The following MED16 variants were observed in gnomAD, a reference collection of about 807,000 sequenced individuals.
MED16 encodes the protein mediator complex subunit 16.
In MED16, 81 loss-of-function variants were observed where a neutral mutation model predicts 84.4. The ratio of observed to expected loss-of-function variants is 0.96; its 90% CI spans 0.80 to 1.15. MED16 has a LOEUF of 1.15. MED16 is among the 50% of genes most tolerant of loss of function. The pLI, the probability that MED16 is intolerant of heterozygous loss-of-function variation, is 0.00. For missense variants in MED16, 1,585 were observed against 1,245.9 expected (o/e 1.27, Z -4.10); for synonymous variants, 897 against 552.2 (o/e 1.62, Z -8.76).
rs76542322 is a variant in MED16 at position 873,178 on chromosome 19, A to G, written c.1905+271T>C. Reference sequence around the variant, plus strand: ...GCTAGGAAGTGGGGCAGGGCTAGGAAGTGGGGCAGGGCTAGGAAGTGGGGG... The same window carrying G: ...GCTAGGAAGTGGGGCAGGGCTAGGAGGTGGGGCAGGGCTAGGAAGTGGGGG... On this transcript the variant is annotated intron_variant, in intron 11 of 15. Coordinates refer to ENST00000325464, the MANE Select transcript of MED16 (RefSeq NM_005481.3). 5.2e-4 allele frequency: 133 copies of G among 256,158 alleles called. 8 individuals are homozygous for G. The highest frequency in any genetic ancestry group is 1.3e-3 in the South Asian group (30 of 23,508). The allele number at this position is 256,158 out of a possible 1,614,324, so 15.9% of individuals were successfully genotyped here.
chr19:871,448 G>A (rs2036052500), intron 12 of MED16, among the ~76,000 whole-genome samples, 195 bp from the exon 13 acceptor site: 1 of 152,074 alleles, frequency 6.6e-6, no homozygotes, highest in Non-Finnish European at 1.5e-5. Context: ...TGACCCCAGA[G>A]TTCTCTCCCC....
intron 7 of MED16, among the ~76,000 whole-genome samples, chr19:880,490 A>T (rs2036397617): frequency 6.6e-6 from 1 of 152,136 alleles, no homozygotes; most frequent in African/African-American, 2.4e-5. Context: ...CTGGCGTCCC[A>T]AAGAGAGGCA....
intron 1 of MED16, chr19:892,693 G>A (rs2036662313): frequency 1.3e-5 from 2 of 150,474 alleles, no homozygotes; most frequent in African/African-American, 4.9e-5. Context: ...CAGTCTCCAG[G>A]CCCTGCCTCT....
chr19:870,194 CA>C (rs1210156334), intron 13 of MED16, among the ~76,000 whole-genome samples: 7 of 152,286 alleles, frequency 4.6e-5, no homozygotes, highest in African/African-American at 7.2e-5. Context: ...GCCTGACATC[CA>C]GGGGGGCCAG....
At chr19:873,762 A>ACTGC (rs2036159518) in intron 10 of MED16, among the ~76,000 whole-genome samples, 180 bp from the exon 11 acceptor site, 1 of 151,848 alleles carries the variant, frequency 6.6e-6, no homozygotes. Flanking sequence ...CTGGGAGCCC[A>ACTGC]CTGCCTGCCC....
At chr19:872,762 G>A (rs938260247) in intron 11 of MED16, among the ~76,000 whole-genome samples, 1 of 151,846 alleles carries the variant, frequency 6.6e-6, no homozygotes, top group Non-Finnish European at 1.5e-5. Flanking sequence ...CCCAGGCGCA[G>A]GGAGCTGGGG....
intron 8 of MED16, among the ~76,000 whole-genome samples, chr19:879,069 CA>C: frequency 1.4e-5 from 2 of 139,682 alleles, no homozygotes; most frequent in Non-Finnish European, 3.2e-5. Flanking sequence ...CCACCAGCCC[CA>C]GCCCCAGCCC....
At chr19:882,155 G>A (rs959933051) in intron 6 of MED16, among the ~76,000 whole-genome samples, 3 of 152,258 alleles carry the variant, frequency 2.0e-5, no homozygotes, top group Non-Finnish European at 4.4e-5. Flanking sequence ...GCCCCTGCGT[G>A]AAGACGCAGC....
intron 12 of MED16, among the ~76,000 whole-genome samples, 172 bp from the exon 13 acceptor site, chr19:871,425 C>T (rs2036051632): frequency 6.6e-6 from 1 of 152,088 alleles, no homozygotes; most frequent in Non-Finnish European, 1.5e-5. Context: ...CCGGCTCTGC[C>T]TGCCTGGCTG....
intron 2 of MED16, among the ~76,000 whole-genome samples, chr19:890,611 T>G (rs1010468249): frequency 6.6e-6 from 1 of 152,270 alleles, no homozygotes; most frequent in South Asian, 2.1e-4. Context: ...ACTCAAACAA[T>G]GGAGAGAAGA....
chr19:882,429 A>C (rs1177045632), intron 6 of MED16, among the ~76,000 whole-genome samples: 1 of 152,188 alleles, frequency 6.6e-6, no homozygotes, highest in African/African-American at 2.4e-5. Flanking sequence ...CAGGAGGCTG[A>C]GGTAGGATTG....
chr19:870,924 G>A (rs946028947), intron 13 of MED16, 113 bp downstream of exon 13: 1 of 1,108,704 alleles, frequency 9.0e-7, no homozygotes, highest in Non-Finnish European at 1.3e-6. Flanking sequence ...TGTGGATTCG[G>A]GGGGACCTGG....
intron 11 of MED16, among the ~76,000 whole-genome samples, 197 bp from the exon 12 acceptor site, chr19:872,315 G>A (rs866316539): frequency 2.0e-5 from 3 of 152,098 alleles, no homozygotes; most frequent in South Asian, 4.1e-4. Flanking sequence ...GCAGGGCCCA[G>A]GACAGCCCCA....
Position 871,081 on chromosome 19 carries a change from C to A in MED16, c.2271G>T (p.Thr757=). ...GCAGGGTGGCAGCACTGCCAGGCAGCGTGGGCGCCCGGCCAAACTGCAGAC... is the reference window on the plus strand; with the variant it reads ...GCAGGGTGGCAGCACTGCCAGGCAGAGTGGGCGCCCGGCCAAACTGCAGAC... The part of the protein sequence containing the change: ...PLRLQFGRAP[T]LPGSAATLQL... The change falls in exon 13 of 16, where the codon ACG becomes ACT. Residue 757 remains threonine, a synonymous_variant. Transcript: ENST00000325464. The A allele has an allele frequency of 6.5e-7, 1 of 1,547,594 alleles. No homozygotes were observed. The highest frequency in any genetic ancestry group is 8.7e-7 in the Non-Finnish European group (1 of 1,145,384).
chr19:887,245 C>A (rs1052355130), intron 4 of MED16, among the ~76,000 whole-genome samples: 3 of 151,730 alleles, frequency 2.0e-5, no homozygotes, highest in African/African-American at 7.3e-5. Context: ...GCAAGCCAGG[C>A]CTGGTGGTGA....
intron 9 of MED16, among the ~76,000 whole-genome samples, chr19:876,433 T>C (rs1462029735): frequency 6.6e-6 from 1 of 152,108 alleles, no homozygotes; most frequent in Non-Finnish European, 1.5e-5. Context: ...TGCATCCTGG[T>C]ACCCATCACA....
At chr19:870,728 C>T (rs1169887124) in intron 13 of MED16, among the ~76,000 whole-genome samples, 2 of 147,362 alleles carry the variant, frequency 1.4e-5, no homozygotes, top group African/African-American at 2.5e-5. Context: ...GGGAAGGAGC[C>T]GTATGGATTC....
intron 13 of MED16, among the ~76,000 whole-genome samples, chr19:870,271 C>A (rs1251932152): frequency 6.6e-6 from 1 of 152,132 alleles, no homozygotes; most frequent in African/African-American, 2.4e-5. Flanking sequence ...TCAGGAAACA[C>A]CAAGGCAAGG....
chr19:888,028 C>T (rs1599343948), intron 4 of MED16, among the ~76,000 whole-genome samples: 1 of 151,664 alleles, frequency 6.6e-6, no homozygotes, highest in Admixed American at 6.6e-5. Flanking sequence ...CATGGAGAAA[C>T]CCGGTCCCTA....
Sources: allele counts gnomAD v4.1 joint callset (sites outside exome capture counted in the v4.1 genomes callset), GRCh38; gene constraint gnomAD v4.1.1; transcripts MANE v1.5; gene names NCBI Gene and HGNC (gene_info 2026-07-23, HGNC 2026-07-21).